Variants in EPS8L2 observed in about 807,000 individuals in gnomAD.
EPS8L2 encodes the protein epidermal growth factor receptor kinase substrate 8-like protein 2.
In EPS8L2, 81 loss-of-function variants were observed where a neutral mutation model predicts 99.4. That is an observed-to-expected ratio of 0.82 (90% CI 0.68 to 0.98). EPS8L2 has a LOEUF of 0.98. Among genes scored for constraint, EPS8L2 ranks in the 50% least tolerant of loss-of-function variants. The pLI, the probability that EPS8L2 is intolerant of heterozygous loss-of-function variation, is 0.00. For missense variants in EPS8L2, 1,155 were observed against 968.8 expected, an observed-to-expected ratio of 1.19 and a Z score of -2.55; for synonymous variants, 509 against 407.3, an observed-to-expected ratio of 1.25 and a Z score of -3.01.
In EPS8L2 at chr11:720,092, G is replaced by A. The variant is rs1862115808; in HGVS notation, c.196G>A (p.Glu66Lys). ...HLATFIMDKS[E>K]AITSVDDAIR... ...GGCCACATTCATCATGGACAAGAGC[G>A]AAGCCATCACGTCTGTGGACGACGC... The change falls in exon 5 of 21, where the codon GAA becomes AAA. Residue 66 changes from glutamate to lysine, a missense_variant. Physicochemically the swap from Glu to Lys is moderately conservative, Grantham distance 56. Coordinates refer to ENST00000318562, the MANE Select transcript of EPS8L2 (RefSeq NM_022772.4). 2.5e-6 allele frequency: 4 copies of A among 1,613,250 alleles called. No homozygotes were observed. The highest frequency in any genetic ancestry group is 1.7e-6 in the Non-Finnish European group (2 of 1,179,872).
At position 721,304 on chromosome 11, in the gene EPS8L2, G is replaced by A; in HGVS notation, c.720G>A (p.Ser240=). The change falls in exon 9 of 21, where the codon TCG becomes TCA. Residue 240 remains serine (S), a synonymous_variant. Coordinates refer to ENST00000318562, the MANE Select transcript of EPS8L2 (RefSeq NM_022772.4). ...CATCAGGTTTCCGCCGTCGGGAGTCGCAGGAGGAGCCGCGGGCCGTGCTGG... is the reference window on the plus strand; with the variant it reads ...CATCAGGTTTCCGCCGTCGGGAGTCACAGGAGGAGCCGCGGGCCGTGCTGG... ...LSEPGFRRRE[S]QEEPRAVLAQ... 1 of 1,540,140 alleles carries A rather than the reference G, an allele frequency of 6.5e-7. No individual in the cohort carries two copies. Among genetic ancestry groups the A allele is most frequent in the Non-Finnish European group, 8.7e-7 (1 of 1,146,600 alleles).
chr11:725,736 G>A lies in EPS8L2; in HGVS notation c.1569G>A (p.Glu523=), dbSNP rs1862295623. 8 of 1,329,080 alleles carry A rather than the reference G, an allele frequency of 6.0e-6. No individual in the cohort carries two copies. Among genetic ancestry groups the A allele is most frequent in the Non-Finnish European group, 6.7e-6 (7 of 1,041,484 alleles). The allele number at this position is 1,329,080 out of a possible 1,614,324, so 82.3% of individuals were successfully genotyped here. A position where few individuals can be genotyped will look rare whatever the true frequency, so the allele number is the denominator to read the frequency against. Residue 523 remains glutamate (E), a synonymous_variant, in exon 17 of 21, where the codon GAG becomes GAA. Coordinates refer to ENST00000318562, the MANE Select transcript of EPS8L2 (RefSeq NM_022772.4). The part of the protein sequence containing the change: ...VLKDEVLEVL[E]DGRQWWKLRS... ...GACGGCGCGCCCCGCAGGTGCTGGA[G>A]GACGGCCGGCAGTGGTGGAAGCTGC...
At chr11:717,113 G>T (rs566323633) in intron 4 of EPS8L2, among the ~76,000 whole-genome samples, 10 of 152,174 alleles carry the variant, frequency 6.6e-5, no homozygotes, top group African/African-American at 2.2e-4. Context: ...AGTAGCCGGG[G>T]TTACAGGCGC....
chr11:726,488 A>AGCGGGG lies in EPS8L2; in HGVS notation c.1934+12_1934+17dup, dbSNP rs1164541396. 1.3e-6 allele frequency: 2 copies of AGCGGGG among 1,539,834 alleles called. No homozygotes were observed. On this transcript the variant is annotated splice_donor_region_variant and intron_variant, in intron 19 of 20. Transcript: ENST00000318562. ...AAGCCAAGGCCTTCAGCCCGCGGTG[A>AGCGGGG]GCGGGGGCGGGGGATGAGCTGGGGC...
intron 1 of EPS8L2, 72 bp from the exon 2 acceptor site, chr11:709,258 C>A: frequency 3.1e-6 from 3 of 954,788 alleles, no homozygotes; most frequent in Non-Finnish European, 4.7e-6. Context: ...AGTCAGGGAT[C>A]TGGCCCAGGG....
rs761436045 is a variant in EPS8L2, at chr11:721,700, G to A, written c.895+9G>A. ...CAAGAAGGCGCCAGCAGGTGCAGGG[G>A]ACAGGGACGGGGCCGGCAGGTGCAG... On this transcript the variant is annotated intron_variant, in intron 10 of 20. Coordinates refer to ENST00000318562, the MANE Select transcript of EPS8L2 (RefSeq NM_022772.4). The A allele has an allele frequency of 1.2e-6, 2 of 1,602,968 alleles. No homozygotes were observed. Among genetic ancestry groups the A allele is most frequent in the East Asian group, 2.2e-5 (1 of 44,726 alleles).
At chr11:712,652 G>C (rs1269303308) in intron 4 of EPS8L2, among the ~76,000 whole-genome samples, 1 of 152,216 alleles carries the variant, frequency 6.6e-6, no homozygotes, top group Non-Finnish European at 1.5e-5. Flanking sequence ...GTTCCCCCTT[G>C]CTGTCCTCCA....
chr11:721,220 C>T lies in EPS8L2; in HGVS notation c.700+14C>T. The T allele has an allele frequency of 6.5e-7, 1 of 1,533,160 alleles. No individual in the cohort carries two copies. The highest frequency in any genetic ancestry group is 8.8e-7 in the Non-Finnish European group (1 of 1,142,210). The allele number at this position is 1,533,160 out of a possible 1,614,324, so 95.0% of individuals were successfully genotyped here. A position where few individuals can be genotyped will look rare whatever the true frequency, so the allele number is the denominator to read the frequency against. On this transcript the variant is annotated intron_variant, in intron 8 of 20. Coordinates refer to ENST00000318562, the MANE Select transcript of EPS8L2 (RefSeq NM_022772.4). ...TCAGCGAGCCAGGTGGGCCGAGGGG[C>T]TGGAGGGGGCTCCACAGGGCTCGTT... is the stretch of plus-strand genomic sequence containing the variant.
In EPS8L2 at chr11:724,269, A is replaced by C. The variant is rs990247297; in HGVS notation, c.1455-455A>C. Among the ~76,000 whole-genome samples, 1 of 152,070 alleles carries C rather than the reference A, an allele frequency of 6.6e-6. No homozygotes were observed. Among genetic ancestry groups the C allele is most frequent in the African/African-American group, 2.4e-5 (1 of 41,418 alleles). On this transcript the variant is annotated intron_variant, in intron 15 of 20. Transcript: ENST00000318562. The surrounding 1 kb of genome is among the most constrained non-coding windows in gnomAD (Gnocchi z 5.5). ...TTGAGGTGCAGGTCCCACCCCACAG[A>C]GAGGAGCTTGAGACCCGTCCTCCAC... is the stretch of plus-strand genomic sequence containing the variant.
In EPS8L2 at chr11:722,096, G is replaced by C. The variant is rs778467660; in HGVS notation, c.990G>C (p.Lys330Asn). ...KIKLAINLLA[K>N]LQKHIQNPSA... is the part of the protein sequence containing the mutation. ...TCACTTGTTCCCACCCCCAGGCAAA[G>C]CTGCAGAAGCACATCCAGAACCCCA... Residue 330 changes from lysine to asparagine, a missense_variant, in exon 12 of 21, where the codon AAG becomes AAC. Transcript: ENST00000318562. 5.0e-6 allele frequency: 8 copies of C among 1,613,084 alleles called. No homozygotes were observed. The highest frequency in any genetic ancestry group is 1.1e-5 in the South Asian group (1 of 91,084).
intron 12 of EPS8L2, 46 bp from the exon 13 acceptor site, chr11:722,355 C>G (rs1862203065): frequency 6.3e-7 from 1 of 1,599,540 alleles, no homozygotes; most frequent in South Asian, 1.1e-5. Flanking sequence ...GGTGCTGGGC[C>G]AGGGTCTGTG....
At chr11:715,785 T>TG (rs1862009163) in intron 4 of EPS8L2, among the ~76,000 whole-genome samples, 1 of 150,592 alleles carries the variant, frequency 6.6e-6, no homozygotes, top group African/African-American at 2.4e-5. Context: ...CACGCCCAGC[T>TG]AATTTTTTGT....
At chr11:710,374 G>T in intron 3 of EPS8L2, 48 bp from the exon 4 acceptor site, 1 of 1,586,336 alleles carries the variant, frequency 6.3e-7, no homozygotes, top group Non-Finnish European at 8.7e-7. Context: ...TGGACGGGAG[G>T]CTGTGGGTCC....
Position 720,928 on chromosome 11 carries a change from C to T in EPS8L2, c.557+19C>T. 1 of 742,420 alleles carries T rather than the reference C, an allele frequency of 1.3e-6. No individual in the cohort carries two copies. Among genetic ancestry groups the T allele is most frequent in the East Asian group, 5.2e-5 (1 of 19,060 alleles). The allele number at this position is 742,420 out of a possible 1,614,324, so 46.0% of individuals were successfully genotyped here. On this transcript the variant is annotated intron_variant, in intron 7 of 20. Transcript: ENST00000318562. ...CCCTGAAGTAGGGCAGCGGGCGGAG[C>T]GGGGTCGCAGGGGGCGGGGAGGGGA... is the stretch of plus-strand genomic sequence containing the variant.
Position 726,301 on chromosome 11 carries a change from C to A in EPS8L2, c.1754-3C>A, listed in dbSNP as rs111598952. ...GGCGGGCCTGAGTCGCGCGCCCCCT[C>A]AGAGCTCATGCAGCACATGGACGAG... On this transcript the variant is annotated splice_polypyrimidine_tract_variant and splice_region_variant and intron_variant, in intron 18 of 20. Transcript: ENST00000318562. 6.2e-7 allele frequency: 1 copy of A among 1,604,764 alleles called. No individual in the cohort carries two copies. The highest frequency in any genetic ancestry group is 8.5e-7 in the Non-Finnish European group (1 of 1,176,422).
chr11:712,611 A>G (rs113249763), intron 4 of EPS8L2, among the ~76,000 whole-genome samples: 17,408 of 152,284 alleles, frequency 0.11, 1,200 homozygotes, highest in Middle Eastern at 0.23. Flanking sequence ...TGCCACAAAC[A>G]GCCCTGGCTG....
chr11:725,718 C>T lies in EPS8L2; in HGVS notation c.1561-10C>T. Reference sequence around the variant, plus strand: ...TGGGTGTGGGGAGGGGCTGACGGCGCGCCCCGCAGGTGCTGGAGGACGGCC... The same window carrying T: ...TGGGTGTGGGGAGGGGCTGACGGCGTGCCCCGCAGGTGCTGGAGGACGGCC... On this transcript the variant is annotated splice_polypyrimidine_tract_variant and intron_variant, in intron 16 of 20. Coordinates refer to ENST00000318562, the MANE Select transcript of EPS8L2 (RefSeq NM_022772.4). 1 of 1,315,344 alleles carries T rather than the reference C, an allele frequency of 7.6e-7. No individual in the cohort carries two copies. Among genetic ancestry groups the T allele is most frequent in the Non-Finnish European group, 9.7e-7 (1 of 1,034,298 alleles). 81.5% of individuals were successfully genotyped at this position (1,315,344 alleles called of 1,614,324 possible).
chr11:720,906 T>C lies in EPS8L2; in HGVS notation c.554T>C (p.Leu185Pro). The change falls in exon 7 of 21, where the codon CTG (leucine) becomes CCG (proline). Residue 185 changes from leucine (L) to proline (P), a missense_variant. By Grantham distance (98) the Leu-to-Pro change is moderately conservative. Coordinates refer to ENST00000318562, the MANE Select transcript of EPS8L2 (RefSeq NM_022772.4). Reference protein sequence around the residue: ...RLGKKMRPQTLKGHQEKIRQR... With the variant: ...RLGKKMRPQTPKGHQEKIRQR... The stretch of plus-strand genomic sequence containing the variant: ...GGCAAGAAGATGCGGCCGCAGACCC[T>C]GAAGTAGGGCAGCGGGCGGAGCGGG... The C allele has an allele frequency of 7.8e-7, 1 of 1,279,514 alleles. No homozygotes were observed. The highest frequency in any genetic ancestry group is 1.0e-6 in the Non-Finnish European group (1 of 987,656). 79.3% of individuals were successfully genotyped at this position (1,279,514 alleles called of 1,614,324 possible). A position where few individuals can be genotyped will look rare whatever the true frequency, so the allele number is the denominator to read the frequency against.
At position 726,150 on chromosome 11, in the gene EPS8L2, GC is replaced by G; in HGVS notation, c.1734del (p.Phe579SerfsTer42). The G allele has an allele frequency of 1.2e-6, 2 of 1,609,312 alleles. No individual in the cohort carries two copies. Among genetic ancestry groups the G allele is most frequent in the Non-Finnish European group, 8.5e-7 (1 of 1,178,366 alleles). ...AGCCCGACCCACAAGCTACCCCCAAGCTTCCCGGGGAACAAAGACGGTGAGA... is the reference window on the plus strand; with the variant it reads ...AGCCCGACCCACAAGCTACCCCCAAGTTCCCGGGGAACAAAGACGGTGAGA... Reference protein sequence around the residue: ...PASPTHKLPPSFPGNKDELMQ... With the variant: ...PASPTHKLPPXFPGNKDELMQ... On this transcript the variant is annotated frameshift_variant, in exon 18 of 21. Transcript: ENST00000318562. LOFTEE classifies it high-confidence loss of function.
Sources: allele counts gnomAD v4.1 joint callset (sites outside exome capture counted in the v4.1 genomes callset), GRCh38; gene constraint gnomAD v4.1.1; non-coding constraint Gnocchi (gnomAD v3.1); transcripts MANE v1.5; gene names NCBI Gene and HGNC (gene_info 2026-07-23, HGNC 2026-07-21).